Variants in SYT11 observed in about 807,000 individuals in gnomAD.
SYT11 encodes the protein synaptotagmin 11.
In SYT11, 12 loss-of-function variants were observed where a neutral mutation model predicts 30.4. The ratio of observed to expected loss-of-function variants is 0.39; its 90% CI spans 0.25 to 0.64. The LOEUF (loss-of-function observed/expected upper bound fraction) is 0.64, where lower values mean the gene tolerates loss of function less well. SYT11 is among the 30% of genes least tolerant of loss of function. The pLI is 0.45. For missense variants in SYT11, 412 were observed against 552.0 expected (o/e 0.75, Z 2.54); for synonymous variants, 204 against 216.0 (o/e 0.94, Z 0.49).
chr1:155,868,748 G>T lies in SYT11; in HGVS notation c.818G>T (p.Gly273Val). ...VPLAGVDPST[G>V]KVQLTRDIIK... is the part of the protein sequence containing the mutation. ...CTGGCAGGGGTGGACCCCAGCACAG[G>T]CAAGGTACAACTGACCAGGGACATC... The change falls in exon 2 of 4, where the codon GGC becomes GTC. Residue 273 changes from glycine to valine, a missense_variant. Gly to Val is a moderately radical substitution (Grantham distance 109, BLOSUM62 -3). Transcript: ENST00000368324. This position sits in a 1 kb window ranked among gnomAD's most constrained non-coding sequence, Gnocchi z 4.7. 1 of 1,614,144 alleles carries T rather than the reference G, an allele frequency of 6.2e-7. No individual in the cohort carries two copies. The highest frequency in any genetic ancestry group is 8.5e-7 in the Non-Finnish European group (1 of 1,180,024).
At chr1:155,862,500 A>G (rs1020535641) in intron 1 of SYT11, among the ~76,000 whole-genome samples, 2 of 152,236 alleles carry the variant, frequency 1.3e-5, no homozygotes, top group African/African-American at 4.8e-5. Context: ...AGATGCGTTC[A>G]TCTGTTTCTC....
At chr1:155,881,123 T>C in intron 3 of SYT11, 75 bp from the exon 4 acceptor site, 6 of 1,475,398 alleles carry the variant, frequency 4.1e-6, no homozygotes, top group Non-Finnish European at 5.5e-6. Flanking sequence ...TTTCCCAACA[T>C]GAAATTACCA....
intron 2 of SYT11, among the ~76,000 whole-genome samples, chr1:155,876,930 C>A (rs1382392714): frequency 1.3e-5 from 2 of 151,222 alleles, no homozygotes; most frequent in African/African-American, 2.4e-5. Flanking sequence ...GGGTTACAGG[C>A]GCCCGCCACC....
intron 1 of SYT11, among the ~76,000 whole-genome samples, chr1:155,863,847 G>T (rs992914745): frequency 6.6e-6 from 1 of 151,858 alleles, no homozygotes; most frequent in Non-Finnish European, 1.5e-5. Flanking sequence ...CTTGAACCAG[G>T]GAGGCAGAGG....
At chr1:155,862,376 T>G (rs1225972205) in intron 1 of SYT11, among the ~76,000 whole-genome samples, 1 of 152,240 alleles carries the variant, frequency 6.6e-6, no homozygotes, top group Non-Finnish European at 1.5e-5. Flanking sequence ...TCTTTGATGA[T>G]TCTAGCTCAT....
At position 155,881,179 on chromosome 1, in the gene SYT11, A is replaced by G. The variant is rs1457538877; in HGVS notation, c.986-19A>G. 1.3e-6 allele frequency: 2 copies of G among 1,595,712 alleles called. No homozygotes were observed. The highest frequency in any genetic ancestry group is 2.2e-5 in the South Asian group (2 of 89,126). On this transcript the variant is annotated intron_variant, in intron 3 of 3. Coordinates refer to ENST00000368324, the MANE Select transcript of SYT11 (RefSeq NM_152280.5). ...TCATAGGTCTGTCTCCCTTTTTCTT[A>G]TCTCTTTGGGGGCCCCAGATCCTTA...
At chr1:155,870,483 A>G (rs1225510961) in intron 2 of SYT11, among the ~76,000 whole-genome samples, 2 of 152,228 alleles carry the variant, frequency 1.3e-5, no homozygotes, top group African/African-American at 2.4e-5. Context: ...CAAGGGAGGA[A>G]TTGGTGAAGG....
chr1:155,883,754 G>C lies in SYT11; in HGVS notation c.*2246G>C, dbSNP rs902368439. The C allele has an allele frequency of 2.6e-5, 4 of 152,306 alleles. No individual in the cohort carries two copies. The highest frequency in any genetic ancestry group is 4.1e-4 in the South Asian group (2 of 4,826). 9.4% of individuals were successfully genotyped at this position (152,306 alleles called of 1,614,324 possible). ...CGGAAAGCTGAGTCTCTATGGACGGGGGGGTGATCTTGCTTTCAGTGTTCC... is the reference window on the plus strand; with the variant it reads ...CGGAAAGCTGAGTCTCTATGGACGGCGGGGTGATCTTGCTTTCAGTGTTCC... On this transcript the variant is annotated 3_prime_UTR_variant, in exon 4 of 4. Transcript: ENST00000368324.
chr1:155,867,044 T>C (rs1348723015), intron 1 of SYT11, among the ~76,000 whole-genome samples: 1 of 143,438 alleles, frequency 7.0e-6, no homozygotes, highest in Non-Finnish European at 1.5e-5. Flanking sequence ...ACAATGGATA[T>C]ATTCATCCTG....
In SYT11 at chr1:155,883,982, C is replaced by G. The variant is rs1442130374; in HGVS notation, c.*2474C>G. ...CATACCACTAGTCTCTGTCCTATAC[C>G]CCATGAAATGTAAATACTGTATCAT... is the stretch of plus-strand genomic sequence containing the variant. On this transcript the variant is annotated 3_prime_UTR_variant, in exon 4 of 4. Transcript: ENST00000368324. 6.6e-6 allele frequency: 1 copy of G among 152,346 alleles called. No individual in the cohort carries two copies. The highest frequency in any genetic ancestry group is 1.5e-5 in the Non-Finnish European group (1 of 68,018). 9.4% of individuals were successfully genotyped at this position (152,346 alleles called of 1,614,324 possible).
chr1:155,882,876 A>G lies in SYT11; in HGVS notation c.*1368A>G, dbSNP rs1234530662. On this transcript the variant is annotated 3_prime_UTR_variant, in exon 4 of 4. Coordinates refer to ENST00000368324, the MANE Select transcript of SYT11 (RefSeq NM_152280.5). ...GCTTTAGAGTCTTCTCAAATAGCTT[A>G]GATGTTGTAATGAGGTTAGCTTTGC... 3 of 152,378 alleles carry G rather than the reference A, an allele frequency of 2.0e-5. No individual in the cohort carries two copies. The highest frequency in any genetic ancestry group is 7.2e-5 in the African/African-American group (3 of 41,454). The allele number at this position is 152,378 out of a possible 1,614,324, so 9.4% of individuals were successfully genotyped here. A position where few individuals can be genotyped will look rare whatever the true frequency, so the allele number is the denominator to read the frequency against.
At chr1:155,877,668 C>T (rs1161780417) in intron 2 of SYT11, among the ~76,000 whole-genome samples, 1 of 151,996 alleles carries the variant, frequency 6.6e-6, no homozygotes, top group East Asian at 1.9e-4. Context: ...ATTCTCCTGC[C>T]GCAGCCTCCC....
At chr1:155,871,990 G>T (rs568200478) in intron 2 of SYT11, among the ~76,000 whole-genome samples, 1 of 152,026 alleles carries the variant, frequency 6.6e-6, no homozygotes, top group African/African-American at 2.4e-5. Flanking sequence ...GGCTGTAAAG[G>T]GCTTTTTCCT....
Position 155,868,068 on chromosome 1 carries a change from G to A in SYT11, c.138G>A (p.Lys46=). The A allele has an allele frequency of 1.9e-6, 3 of 1,614,010 alleles. No homozygotes were observed. Among genetic ancestry groups the A allele is most frequent in the East Asian group, 2.2e-5 (1 of 44,890 alleles). ...CATGCTGCCACCAGCAGGCAGAGAAGAAGCAGAAGAACCCACCATACAAGT... is the reference window on the plus strand; with the variant it reads ...CATGCTGCCACCAGCAGGCAGAGAAAAAGCAGAAGAACCCACCATACAAGT... ...VWSCCHQQAE[K]KQKNPPYKFI... Residue 46 remains lysine (K), a synonymous_variant, in exon 2 of 4, where the codon AAG becomes AAA. Coordinates refer to ENST00000368324, the MANE Select transcript of SYT11 (RefSeq NM_152280.5). This position sits in a 1 kb window ranked among gnomAD's most constrained non-coding sequence, Gnocchi z 4.7.
intron 2 of SYT11, among the ~76,000 whole-genome samples, chr1:155,876,508 A>G (rs1391862024): frequency 6.6e-6 from 1 of 151,692 alleles, no homozygotes; most frequent in South Asian, 2.1e-4. Flanking sequence ...GGCCTCCCAA[A>G]GTGCTGTGAT....
chr1:155,880,730 T>A, intron 3 of SYT11, 107 bp downstream of exon 3: 1 of 1,308,586 alleles, frequency 7.6e-7, no homozygotes, highest in Non-Finnish European at 1.1e-6. Flanking sequence ...CTTTCACTTT[T>A]AATCTGCTCC....
chr1:155,865,357 G>T (rs553002328), intron 1 of SYT11, among the ~76,000 whole-genome samples: 11 of 152,224 alleles, frequency 7.2e-5, no homozygotes, highest in East Asian at 1.9e-4. Flanking sequence ...GCCGGGCGCG[G>T]TGGCTCATGC....
chr1:155,866,515 T>C (rs1672678665), intron 1 of SYT11, among the ~76,000 whole-genome samples: 1 of 152,244 alleles, frequency 6.6e-6, no homozygotes, highest in Non-Finnish European at 1.5e-5. Flanking sequence ...TAAATTTTTG[T>C]CCTCATGAGA....
intron 1 of SYT11, among the ~76,000 whole-genome samples, chr1:155,867,601 G>A (rs988064691): frequency 1.3e-5 from 2 of 152,128 alleles, no homozygotes; most frequent in African/African-American, 4.8e-5. Flanking sequence ...AAGTGAACAG[G>A]TGCTCATGTA....
Sources: allele counts gnomAD v4.1 joint callset (sites outside exome capture counted in the v4.1 genomes callset), GRCh38; gene constraint gnomAD v4.1.1; non-coding constraint Gnocchi (gnomAD v3.1); transcripts MANE v1.5; gene names NCBI Gene and HGNC (gene_info 2026-07-23, HGNC 2026-07-21).